Variants in PRODH2 observed in about 807,000 individuals in gnomAD.
PRODH2 encodes the protein proline dehydrogenase 2.
PRODH2 carries 49 observed loss-of-function variants against 51.9 expected under a neutral mutation model. The ratio of observed to expected loss-of-function variants is 0.94; its 90% CI spans 0.75 to 1.20. The LOEUF (loss-of-function observed/expected upper bound fraction) is 1.20, where lower values mean the gene tolerates loss of function less well. Among genes scored for constraint, PRODH2 ranks in the 50% most tolerant of loss-of-function variants. The pLI, the probability that PRODH2 is intolerant of heterozygous loss-of-function variation, is 0.00. For missense variants in PRODH2, 597 were observed against 610.9 expected (o/e 0.98, Z 0.24); for synonymous variants, 249 against 260.7 (o/e 0.96, Z 0.43).
chr19:35,805,796 G>T (rs1007244657), intron 7 of PRODH2, among the ~76,000 whole-genome samples: 1 of 152,226 alleles, frequency 6.6e-6, no homozygotes, highest in Admixed American at 6.5e-5. Context: ...GCGTGGCTAG[G>T]CCACCTGCTC....
chr19:35,806,353 G>A (rs1568441560), intron 7 of PRODH2, 77 bp downstream of exon 7: 1 of 1,552,174 alleles, frequency 6.4e-7, no homozygotes, highest in East Asian at 2.3e-5. Flanking sequence ...CAAAGCACTG[G>A]GATTACAGGT....
intron 4 of PRODH2, among the ~76,000 whole-genome samples, chr19:35,810,477 G>A (rs959702319): frequency 4.6e-5 from 7 of 151,692 alleles, no homozygotes; most frequent in African/African-American, 7.3e-5. Context: ...CGGGCATGGT[G>A]GCTCAGCCCA....
At chr19:35,802,383 T>A in intron 8 of PRODH2, 107 bp from the exon 9 acceptor site, 1 of 960,810 alleles carries the variant, frequency 1.0e-6, no homozygotes, top group Non-Finnish European at 1.7e-6. Flanking sequence ...CATTGAAGTA[T>A]TTCCAAACTC....
At chr19:35,805,149 A>G (rs1262897927) in intron 7 of PRODH2, among the ~76,000 whole-genome samples, 1 of 152,194 alleles carries the variant, frequency 6.6e-6, no homozygotes, top group Non-Finnish European at 1.5e-5. Context: ...TGTGGAATCA[A>G]AGAGTGGTGA....
chr19:35,809,958 CAAAA>C (rs1175392997), intron 4 of PRODH2, among the ~76,000 whole-genome samples: 22 of 12,820 alleles, frequency 1.7e-3, no homozygotes, highest in African/African-American at 7.7e-3. Context: ...GATGCCGCTT[CAAAA>C]AAAAAAAAAA....
Position 35,807,234 on chromosome 19 carries a change from C to A in PRODH2, c.598-113G>T, listed in dbSNP as rs188620478. The A allele has an allele frequency of 4.0e-4, 417 of 1,032,964 alleles. 2 individuals are homozygous for A. In the African/African-American group the frequency reaches 5.1e-3, roughly 13 times the overall value. The allele number at this position is 1,032,964 out of a possible 1,614,324, so 64.0% of individuals were successfully genotyped here. On this transcript the variant is annotated intron_variant, in intron 4 of 9. Coordinates refer to ENST00000653904, the MANE Select transcript of PRODH2 (RefSeq NM_021232.2). ...GGGGGTTATGAGCCTAGAATCAGGGCTCGAATCCAGGCTTCACCACCTACT... is the reference window on the plus strand; with the variant it reads ...GGGGGTTATGAGCCTAGAATCAGGGATCGAATCCAGGCTTCACCACCTACT...
intron 4 of PRODH2, among the ~76,000 whole-genome samples, chr19:35,809,958 C>CAAA (rs1175392997): frequency 0.044 from 559 of 12,806 alleles, 232 homozygotes; most frequent in South Asian, 0.081. Flanking sequence ...GATGCCGCTT[C>CAAA]AAAAAAAAAA....
At chr19:35,804,558 G>A (rs1972481718) in intron 7 of PRODH2, among the ~76,000 whole-genome samples, 1 of 152,248 alleles carries the variant, frequency 6.6e-6, no homozygotes, top group Admixed American at 6.5e-5. Context: ...CACACAGCTA[G>A]AGGTGGCCAG....
chr19:35,804,331 G>C (rs1172444569), intron 7 of PRODH2, among the ~76,000 whole-genome samples: 1 of 152,218 alleles, frequency 6.6e-6, no homozygotes, highest in Non-Finnish European at 1.5e-5. Context: ...GGGATTACAG[G>C]TGTGAGGCCC....
Position 35,800,118 on chromosome 19 carries a change from C to G in PRODH2, c.1303G>C (p.Gly435Arg). The change falls in exon 10 of 10, where the codon GGT (glycine) becomes CGT (arginine). Residue 435 changes from glycine (G) to arginine (R), a missense_variant. By Grantham distance (125) the Gly-to-Arg change is moderately radical. Coordinates refer to ENST00000653904, the MANE Select transcript of PRODH2 (RefSeq NM_021232.2). ...RAQENRSVLQ[G>R]ARREQELLSQ... Reference sequence around the variant, plus strand: ...AGCAGCTCCTGTTCCCTGCGGGCACCCTGAAGCACGCTCCGGTTCTCCTGG... The same window carrying G: ...AGCAGCTCCTGTTCCCTGCGGGCACGCTGAAGCACGCTCCGGTTCTCCTGG... 1 of 1,610,258 alleles carries G rather than the reference C, an allele frequency of 6.2e-7. No homozygotes were observed. The highest frequency in any genetic ancestry group is 1.1e-5 in the South Asian group (1 of 90,218).
chr19:35,804,500 G>A (rs1972480101), intron 7 of PRODH2, among the ~76,000 whole-genome samples: 1 of 152,254 alleles, frequency 6.6e-6, no homozygotes, highest in Non-Finnish European at 1.5e-5. Context: ...CATTTTAACA[G>A]AGTGGGGAGA....
At chr19:35,807,688 A>T (rs1972537715) in intron 4 of PRODH2, among the ~76,000 whole-genome samples, 2 of 152,006 alleles carry the variant, frequency 1.3e-5, no homozygotes, top group Non-Finnish European at 2.9e-5. Flanking sequence ...ATTTGCTCTA[A>T]TGTCACTTTC....
intron 5 of PRODH2, 27 bp from the exon 6 acceptor site, chr19:35,806,857 G>C: frequency 6.4e-7 from 1 of 1,569,276 alleles, no homozygotes; most frequent in Non-Finnish European, 8.6e-7. Flanking sequence ...CGACGGTCAG[G>C]GCCCCGGGTG....
intron 8 of PRODH2, 31 bp from the exon 9 acceptor site, chr19:35,802,307 CTG>C (rs767918715): frequency 6.2e-5 from 100 of 1,604,268 alleles, no homozygotes; most frequent in South Asian, 4.3e-4. Context: ...TCAGTCCAGA[CTG>C]TGGCTGCATC....
intron 4 of PRODH2, among the ~76,000 whole-genome samples, chr19:35,810,688 T>C (rs1972594931): frequency 6.6e-6 from 1 of 152,078 alleles, no homozygotes. Context: ...GTCCAGATAA[T>C]TTTTGTATTT....
chr19:35,811,493 A>G (rs1449396378), intron 4 of PRODH2, among the ~76,000 whole-genome samples: 2 of 145,122 alleles, frequency 1.4e-5, no homozygotes, highest in Non-Finnish European at 3.0e-5. Context: ...AAGGAAAAAG[A>G]AAAGAAGGAA....
At position 35,806,607 on chromosome 19, in the gene PRODH2, C is replaced by T. The variant is rs766009824; in HGVS notation, c.835-11G>A. The T allele has an allele frequency of 4.6e-5, 75 of 1,613,970 alleles. No homozygotes were observed. Among genetic ancestry groups the T allele is most frequent in the Non-Finnish European group, 5.7e-5 (67 of 1,180,002 alleles). ...CCGCTCGAATGTGTCCTATAGGGCA[C>T]GCAGGCAGGTTCTGGTAGGTCAGGG... On this transcript the variant is annotated splice_polypyrimidine_tract_variant and intron_variant, in intron 6 of 9. Transcript: ENST00000653904.
At chr19:35,802,474 C>T (rs546509270) in intron 8 of PRODH2, 198 bp from the exon 9 acceptor site, 2 of 609,800 alleles carry the variant, frequency 3.3e-6, no homozygotes, top group South Asian at 1.9e-5. Flanking sequence ...GCCCTCAGAC[C>T]TCCTCATGCC....
Position 35,806,825 on chromosome 19 carries a change from G to T in PRODH2, c.684C>A (p.Ala228=). The T allele has an allele frequency of 6.2e-7, 1 of 1,603,882 alleles. No individual in the cohort carries two copies. Among genetic ancestry groups the T allele is most frequent in the Non-Finnish European group, 8.5e-7 (1 of 1,175,400 alleles). Residue 228 remains alanine, a synonymous_variant, in exon 6 of 10, where the codon GCC becomes GCA. Transcript: ENST00000653904. ...CCAGGAGCCGCACGTGCTGGGCCCG[G>T]GCATACTGATGGCGACAGAGACGAC... The part of the protein sequence containing the change: ...LSRLHRVAQY[A]RAQHVRLLVD...
Sources: allele counts gnomAD v4.1 joint callset (sites outside exome capture counted in the v4.1 genomes callset), GRCh38; gene constraint gnomAD v4.1.1; transcripts MANE v1.5; gene names NCBI Gene and HGNC (gene_info 2026-07-23, HGNC 2026-07-21).